Variants in ARHGEF38 observed in about 807,000 individuals in gnomAD.
ARHGEF38 encodes the protein Rho guanine nucleotide exchange factor 38, also known as Rho guanine nucleotide exchange factor (GEF) 38.
A neutral mutation model predicts 79.9 loss-of-function variants in ARHGEF38; 79 were observed. The observed-to-expected ratio is 0.99, with a 90% CI of 0.82 to 1.19. The LOEUF (loss-of-function observed/expected upper bound fraction) is 1.19. Among genes scored for constraint, ARHGEF38 ranks in the 50% most tolerant of loss-of-function variants. The pLI is 0.00. For missense variants in ARHGEF38, 962 were observed against 907.2 expected (o/e 1.06, Z -0.78); for synonymous variants, 366 against 328.3 (o/e 1.11, Z -1.24).
intron 1 of ARHGEF38, among the ~76,000 whole-genome samples, chr4:105,567,637 C>T (rs1051249298): frequency 6.6e-6 from 1 of 152,112 alleles, no homozygotes; most frequent in Non-Finnish European, 1.5e-5. Context: ...GACTTCAATA[C>T]CCTGTCTTTA....
In ARHGEF38 at chr4:105,678,712, G is replaced by A. The variant is rs1400506605; in HGVS notation, c.*775G>A. The stretch of plus-strand genomic sequence containing the variant: ...CACATTGCTATTAAGTGGTGGGCCT[G>A]GACTTAAACCTAGGTAGTGTAAACC... On this transcript the variant is annotated 3_prime_UTR_variant, in exon 14 of 14. Coordinates refer to ENST00000420470, the MANE Select transcript of ARHGEF38 (RefSeq NM_001242729.2). The A allele has an allele frequency of 1.3e-5, 2 of 151,916 alleles. No individual in the cohort carries two copies. Among genetic ancestry groups the A allele is most frequent in the Non-Finnish European group, 2.9e-5 (2 of 67,982 alleles). The allele number at this position is 151,916 out of a possible 1,614,324, so 9.4% of individuals were successfully genotyped here. A position where few individuals can be genotyped will look rare whatever the true frequency, so the allele number is the denominator to read the frequency against.
At chr4:105,625,631 G>A (rs1728912402) in intron 3 of ARHGEF38, among the ~76,000 whole-genome samples, 1 of 152,334 alleles carries the variant, frequency 6.6e-6, no homozygotes, top group African/African-American at 2.4e-5. Context: ...GGCTGAGCCA[G>A]CTGCCTCTTC....
intron 2 of ARHGEF38, among the ~76,000 whole-genome samples, chr4:105,598,199 C>G (rs1190725408): frequency 6.6e-6 from 1 of 152,142 alleles, no homozygotes; most frequent in Non-Finnish European, 1.5e-5. Context: ...GATGAAAAAG[C>G]CAAGTCCCTT....
At chr4:105,662,047 G>A (rs1042213873) in intron 10 of ARHGEF38, among the ~76,000 whole-genome samples, 2 of 152,164 alleles carry the variant, frequency 1.3e-5, no homozygotes, top group African/African-American at 4.8e-5. Context: ...CAGATTCCCT[G>A]CTTAACTATG....
intron 4 of ARHGEF38, chr4:105,631,394 C>T (rs1729187433): frequency 1.0e-6 from 1 of 996,466 alleles, no homozygotes; most frequent in South Asian, 4.5e-5. Flanking sequence ...ACACGTGGCC[C>T]CATGACCACT....
intron 9 of ARHGEF38, among the ~76,000 whole-genome samples, chr4:105,657,065 A>G (rs1279788745): frequency 6.6e-6 from 1 of 152,302 alleles, no homozygotes; most frequent in Admixed American, 6.5e-5. Context: ...AGATAGATAG[A>G]TAGATAGATA....
At chr4:105,567,372 T>C (rs1397753196) in intron 1 of ARHGEF38, among the ~76,000 whole-genome samples, 1 of 152,224 alleles carries the variant, frequency 6.6e-6, no homozygotes, top group African/African-American at 2.4e-5. Flanking sequence ...GCAACTTGAC[T>C]TTATAAAATT....
intron 4 of ARHGEF38, among the ~76,000 whole-genome samples, chr4:105,635,495 C>T (rs904938220): frequency 4.6e-5 from 7 of 152,060 alleles, no homozygotes; most frequent in African/African-American, 1.7e-4. Flanking sequence ...ATAACCTTCT[C>T]TTTCAACTTC....
chr4:105,656,245 G>T (rs553975439), intron 9 of ARHGEF38, among the ~76,000 whole-genome samples: 1 of 151,738 alleles, frequency 6.6e-6, no homozygotes, highest in African/African-American at 2.4e-5. Context: ...TTGTAGAGGC[G>T]GGGTTTCACC....
chr4:105,615,023 T>C (rs1251154343), intron 3 of ARHGEF38, among the ~76,000 whole-genome samples: 2 of 152,204 alleles, frequency 1.3e-5, no homozygotes, highest in African/African-American at 2.4e-5. Flanking sequence ...AAAGTATAGA[T>C]TCTATTTCAA....
chr4:105,667,480 C>T lies in ARHGEF38; in HGVS notation c.1925C>T (p.Pro642Leu). ...KGYVYSSFLK[P>L]YNPAKMQKVD... is the part of the protein sequence containing the mutation. ...TATGTTTATTCCTCCTTCCTAAAAC[C>T]CTACAATCCAGCAAAAATGCAGAAA... Residue 642 changes from proline (P) to leucine (L), a missense_variant, in exon 13 of 14, where the codon CCC (proline) becomes CTC (leucine). Pro to Leu is a moderately conservative substitution (Grantham distance 98). Transcript: ENST00000420470. 1.3e-6 allele frequency: 2 copies of T among 1,536,202 alleles called. No individual in the cohort carries two copies. The highest frequency in any genetic ancestry group is 1.7e-6 in the Non-Finnish European group (2 of 1,146,944).
At chr4:105,600,760 C>T (rs537556373) in intron 2 of ARHGEF38, among the ~76,000 whole-genome samples, 35 of 152,288 alleles carry the variant, frequency 2.3e-4, no homozygotes, top group African/African-American at 8.4e-4. Flanking sequence ...AAAACTTTCT[C>T]CCTTGTATTC....
At chr4:105,607,331 C>G (rs2110483797) in intron 2 of ARHGEF38, among the ~76,000 whole-genome samples, 1 of 152,184 alleles carries the variant, frequency 6.6e-6, no homozygotes, top group Non-Finnish European at 1.5e-5. Flanking sequence ...CACTTTTGAT[C>G]TTTGCATGCT....
intron 3 of ARHGEF38, among the ~76,000 whole-genome samples, chr4:105,623,098 T>C (rs904111705): frequency 2.0e-5 from 3 of 152,202 alleles, no homozygotes; most frequent in African/African-American, 7.2e-5. Context: ...TATCAAACAC[T>C]GGGCATAACC....
chr4:105,591,257 C>G (rs1727319537), intron 2 of ARHGEF38, among the ~76,000 whole-genome samples: 1 of 152,060 alleles, frequency 6.6e-6, no homozygotes, highest in Non-Finnish European at 1.5e-5. Context: ...GTGACAGAGT[C>G]TCGCTCTGTC....
Position 105,659,131 on chromosome 4 carries a change from C to T in ARHGEF38, c.1311C>T (p.Ile437=). ...TATTCCCAGGGCCTCACAAGCTCATCCAGAAACGCTATGACAAACTGCTGG... is the reference window on the plus strand; with the variant it reads ...TATTCCCAGGGCCTCACAAGCTCATTCAGAAACGCTATGACAAACTGCTGG... ...LSLFPGPHKL[I]QKRYDKLLDC... Residue 437 remains isoleucine (I), a synonymous_variant, in exon 10 of 14, where the codon ATC becomes ATT. Coordinates refer to ENST00000420470, the MANE Select transcript of ARHGEF38 (RefSeq NM_001242729.2). 1 of 1,536,182 alleles carries T rather than the reference C, an allele frequency of 6.5e-7. No individual in the cohort carries two copies. Among genetic ancestry groups the T allele is most frequent in the Non-Finnish European group, 8.7e-7 (1 of 1,146,882 alleles).
intron 1 of ARHGEF38, among the ~76,000 whole-genome samples, chr4:105,562,338 G>A (rs1182537108): frequency 6.6e-6 from 1 of 152,074 alleles, no homozygotes; most frequent in Non-Finnish European, 1.5e-5. Context: ...AGCAATGCCT[G>A]GTATACAGTT....
chr4:105,674,238 G>A (rs1444411923), intron 13 of ARHGEF38, among the ~76,000 whole-genome samples: 3 of 152,084 alleles, frequency 2.0e-5, no homozygotes, highest in Non-Finnish European at 4.4e-5. Flanking sequence ...AGTAAGTGTG[G>A]TAGAAAACTG....
chr4:105,600,827 G>A (rs574188720), intron 2 of ARHGEF38, among the ~76,000 whole-genome samples: 3 of 152,214 alleles, frequency 2.0e-5, no homozygotes, highest in South Asian at 2.1e-4. Flanking sequence ...AAAAATCCCT[G>A]GAGTCATCCT....
Sources: gnomAD v4.1 joint callset for allele counts (sites outside exome capture counted in the v4.1 genomes callset) on GRCh38, gnomAD v4.1.1 for gene constraint, MANE v1.5 for transcripts, NCBI Gene and HGNC (gene_info 2026-07-23, HGNC 2026-07-21) for gene names.